The following FABP6 variants were observed in gnomAD, a reference collection of about 807,000 sequenced individuals.
FABP6 encodes the protein fatty acid binding protein 6, also known as gastrotropin.
In FABP6, 13 loss-of-function variants were observed where a neutral mutation model predicts 14.9. The observed-to-expected ratio is 0.87, with a 90% confidence interval of 0.57 to 1.39. FABP6 has a LOEUF of 1.39. Among genes scored for constraint, FABP6 ranks in the 40% most tolerant of loss-of-function variants. FABP6 has a pLI of 0.00. For synonymous variants in FABP6, 75 were observed against 63.6 expected (o/e 1.18, Z -0.85); for missense variants, 161 against 167.2 (o/e 0.96, Z 0.20).
chr5:160,207,778 C>T (rs1368379236), intron 2 of FABP6, among the ~76,000 whole-genome samples: 1 of 147,598 alleles, frequency 6.8e-6, no homozygotes, highest in African/African-American at 2.5e-5. Flanking sequence ...GGCTGGAGTG[C>T]GATGGCATGA....
intron 1 of FABP6, among the ~76,000 whole-genome samples, chr5:160,192,837 G>A (rs1410902797): frequency 6.6e-6 from 1 of 152,248 alleles, no homozygotes; most frequent in Non-Finnish European, 1.5e-5. Flanking sequence ...CCACGCTGGG[G>A]TTGATGGCTC....
At chr5:160,229,328 G>C, upstream of FABP6, 4 of 961,928 alleles carry the variant, frequency 4.2e-6, no homozygotes, top group Non-Finnish European at 5.7e-6. Flanking sequence ...CTGGCAATGG[G>C]GTGACAGCAC....
intron 1 of FABP6, chr5:160,196,982 C>T (rs1759523426): frequency 6.6e-6 from 1 of 152,262 alleles, no homozygotes; most frequent in South Asian, 2.1e-4. Flanking sequence ...GCTACCGTGA[C>T]ACCTTGTCTG....
intron 3 of FABP6, among the ~76,000 whole-genome samples, chr5:160,237,420 C>A (rs1766402842): frequency 6.6e-6 from 1 of 152,124 alleles, no homozygotes; most frequent in South Asian, 2.1e-4. Context: ...AACAAAGTTG[C>A]ATGACTAGGC....
upstream of FABP6, among the ~76,000 whole-genome samples, chr5:160,227,838 GTGTGTGTGTGTGTC>G (rs757387123): frequency 7.3e-3 from 1,107 of 151,072 alleles, 9 homozygotes; most frequent in South Asian, 0.014. Flanking sequence ...GTGTGTGTGT[GTGTGTGTGTGTGTC>G]TGTCTGTCTG....
chr5:160,189,509 T>C (rs532321232), intron 1 of FABP6, among the ~76,000 whole-genome samples: 38 of 152,256 alleles, frequency 2.5e-4, no homozygotes, highest in African/African-American at 7.9e-4. Flanking sequence ...TCCCAAAGTG[T>C]TGGAATTACA....
At chr5:160,228,268 G>C (rs1760294538), upstream of FABP6, among the ~76,000 whole-genome samples, 1 of 152,074 alleles carries the variant, frequency 6.6e-6, no homozygotes, top group African/African-American at 2.4e-5. Context: ...GTGCATGCCT[G>C]TAATCCCAGC....
At chr5:160,230,948 A>G (rs1302701053) in intron 1 of FABP6, among the ~76,000 whole-genome samples, 1 of 152,196 alleles carries the variant, frequency 6.6e-6, no homozygotes, top group Non-Finnish European at 1.5e-5. Context: ...TCACTGCTTG[A>G]CTTGTAACAC....
upstream of FABP6, among the ~76,000 whole-genome samples, chr5:160,224,846 C>T (rs936895404): frequency 6.6e-6 from 1 of 151,214 alleles, no homozygotes. Flanking sequence ...GGCATGATCT[C>T]GGCTCACTGC....
intron 2 of FABP6, among the ~76,000 whole-genome samples, chr5:160,234,066 A>G (rs1376888797): frequency 6.6e-6 from 1 of 152,132 alleles, no homozygotes; most frequent in African/African-American, 2.4e-5. Context: ...GCAGCAGGGT[A>G]AAGCAAAAAA....
chr5:160,232,106 AGCGATGTAATCGAAAAG>A lies in FABP6; in HGVS notation c.79_95del (p.Asp27ProfsTer75). ...CTTGTCCCCGGGTCCAGGGATCTCC[AGCGATGTAATCGAAAAG>A]GCCCGCAACTTCAAGATCGTCACGG... On this transcript the variant is annotated frameshift_variant, in exon 2 of 4. Coordinates refer to ENST00000402432, the MANE Select transcript of FABP6 (RefSeq NM_001445.3). LOFTEE classifies it high-confidence loss of function. The A allele has an allele frequency of 6.2e-7, 1 of 1,613,966 alleles. No individual in the cohort carries two copies. The highest frequency in any genetic ancestry group is 8.5e-7 in the Non-Finnish European group (1 of 1,179,966).
intron 3 of FABP6, among the ~76,000 whole-genome samples, chr5:160,216,790 G>T (rs1177145442): frequency 6.6e-6 from 1 of 152,174 alleles, no homozygotes; most frequent in African/African-American, 2.4e-5. Context: ...GAAGTTTGTT[G>T]CATGGATTAA....
At position 160,203,850 on chromosome 5, in the gene FABP6, C is replaced by T. The variant is rs147241077; in HGVS notation, c.51+4693C>T. Among the ~76,000 whole-genome samples, 636 of 152,048 alleles carry T rather than the reference C, an allele frequency of 4.2e-3. 4 individuals carry two copies. The highest frequency in any genetic ancestry group is 0.012 in the African/African-American group (500 of 41,464). Reference sequence around the variant, plus strand: ...TCAAGTAGCTGGGATTATAGGCACGCGCCAACATGCCTGGTTAATTTTGTA... The same window carrying T: ...TCAAGTAGCTGGGATTATAGGCACGTGCCAACATGCCTGGTTAATTTTGTA... On this transcript the variant is annotated intron_variant, in intron 2 of 6. Coordinates refer to the FABP6 transcript ENST00000393980.
upstream of FABP6, chr5:160,229,359 C>CGG (rs1760317520): frequency 3.1e-6 from 4 of 1,290,978 alleles, no homozygotes; most frequent in South Asian, 7.3e-5. Flanking sequence ...TGAATAACCT[C>CGG]GGGGCTCTGT....
chr5:160,229,724 C>T, intron 1 of FABP6, 100 bp downstream of exon 1: 8 of 1,018,788 alleles, frequency 7.9e-6, no homozygotes, highest in Non-Finnish European at 1.2e-5. Flanking sequence ...TTCATCCATT[C>T]ATTCACTCAC....
chr5:160,191,990 GA>G (rs775293331), intron 1 of FABP6, among the ~76,000 whole-genome samples: 4 of 150,278 alleles, frequency 2.7e-5, no homozygotes, highest in African/African-American at 4.9e-5. Flanking sequence ...AGAAAAAAAA[GA>G]AAAAAAAAGA....
intron 3 of FABP6, among the ~76,000 whole-genome samples, chr5:160,237,827 T>G (rs1179522509): frequency 6.6e-6 from 1 of 152,240 alleles, no homozygotes; most frequent in Non-Finnish European, 1.5e-5. Context: ...CTGTGCCATG[T>G]GCTTCCTCTG....
chr5:160,233,001 T>C (rs1223072457), intron 2 of FABP6, among the ~76,000 whole-genome samples: 2 of 126,482 alleles, frequency 1.6e-5, no homozygotes, highest in East Asian at 4.8e-4. Flanking sequence ...TTTTTTTTTT[T>C]ATTCGAGACT....
At chr5:160,215,333 G>A (rs1361350381) in intron 3 of FABP6, among the ~76,000 whole-genome samples, 1 of 152,160 alleles carries the variant, frequency 6.6e-6, no homozygotes, top group East Asian at 1.9e-4. Flanking sequence ...GACCAACATG[G>A]TGAAACCCCG....
Sources: allele counts gnomAD v4.1 joint callset (sites outside exome capture counted in the v4.1 genomes callset), GRCh38; gene constraint gnomAD v4.1.1; transcripts MANE v1.5; gene names NCBI Gene and HGNC (gene_info 2026-07-23, HGNC 2026-07-21).